The following TERF1 variants were observed in gnomAD, a reference collection of about 807,000 sequenced individuals.
TERF1 encodes the protein telomeric repeat binding factor 1, also known as telomeric repeat-binding factor 1.
In TERF1, 20 loss-of-function variants were observed where a neutral mutation model predicts 55.1. The observed-to-expected ratio is 0.36, with a 90% CI of 0.26 to 0.53. The LOEUF (loss-of-function observed/expected upper bound fraction) is 0.53, where lower values mean the gene tolerates loss of function less well. TERF1 is among the 20% of genes least tolerant of loss of function. The probability of loss-of-function intolerance (pLI) is 0.91; values close to 1 mark genes in which losing one functional copy is unlikely to be tolerated. For missense variants in TERF1, 439 were observed against 535.7 expected, an observed-to-expected ratio of 0.82 and a Z score of 1.78; for synonymous variants, 168 against 181.2, an observed-to-expected ratio of 0.93 and a Z score of 0.59.
At chr8:73,029,585 A>T (rs1344616971) in intron 6 of TERF1, among the ~76,000 whole-genome samples, 2 of 128,752 alleles carry the variant, frequency 1.6e-5, no homozygotes, top group Non-Finnish European at 3.5e-5. Flanking sequence ...CACTCCGGTG[A>T]CCCTCGGCGA....
chr8:73,032,164 G>A (rs776928356), intron 8 of TERF1, 31 bp downstream of exon 8: 4 of 1,470,546 alleles, frequency 2.7e-6, no homozygotes, highest in Non-Finnish European at 3.7e-6. Context: ...TTTAGAAGGG[G>A]AGAATTGATG....
chr8:73,026,515 A>G (rs1285914989), intron 5 of TERF1, among the ~76,000 whole-genome samples: 1 of 152,216 alleles, frequency 6.6e-6, no homozygotes, highest in Non-Finnish European at 1.5e-5. Flanking sequence ...AAACAACAAT[A>G]AAATTTTTCT....
At chr8:73,032,491 G>A (rs1809329403) in intron 8 of TERF1, among the ~76,000 whole-genome samples, 1 of 152,068 alleles carries the variant, frequency 6.6e-6, no homozygotes, top group Non-Finnish European at 1.5e-5. Flanking sequence ...TTGATAATGT[G>A]GCACTTGATA....
intron 6 of TERF1, among the ~76,000 whole-genome samples, chr8:73,027,746 T>TG (rs1038282490): frequency 6.6e-6 from 1 of 152,218 alleles, no homozygotes; most frequent in African/African-American, 2.4e-5. Context: ...CTGTGGTCTC[T>TG]GGATGGGTAT....
intron 2 of TERF1, among the ~76,000 whole-genome samples, chr8:73,015,526 AC>A (rs1808466534): frequency 6.6e-6 from 1 of 151,950 alleles, no homozygotes; most frequent in South Asian, 2.1e-4. Context: ...ACATAGCGAG[AC>A]CCTGTCTCTA....
At chr8:73,015,046 A>G (rs1169318531) in intron 2 of TERF1, among the ~76,000 whole-genome samples, 2 of 152,252 alleles carry the variant, frequency 1.3e-5, no homozygotes, top group African/African-American at 4.8e-5. Context: ...AGTGCCTGGC[A>G]GTGCTTTACA....
At chr8:73,015,865 AAAT>A (rs1305164033) in intron 2 of TERF1, among the ~76,000 whole-genome samples, 1 of 152,132 alleles carries the variant, frequency 6.6e-6, no homozygotes, top group Admixed American at 6.5e-5. Context: ...TGTAGCTAAA[AAAT>A]AATAATGATA....
chr8:73,032,388 C>T (rs907443466), intron 8 of TERF1, among the ~76,000 whole-genome samples: 4 of 152,130 alleles, frequency 2.6e-5, no homozygotes, highest in Non-Finnish European at 5.9e-5. Context: ...CAAGTATAGT[C>T]ATATGCCACA....
intron 7 of TERF1, chr8:73,031,779 CT>C (rs1357063956): frequency 1.6e-4 from 43 of 265,864 alleles, no homozygotes; most frequent in East Asian, 5.9e-4. Flanking sequence ...CTTGTCTTTT[CT>C]TTTTTTTGCC....
chr8:73,013,566 T>C (rs1408051311), intron 1 of TERF1: 1 of 203,506 alleles, frequency 4.9e-6, no homozygotes, highest in Non-Finnish European at 9.9e-6. Flanking sequence ...ATATTTTCTA[T>C]TATATGAAAT....
chr8:73,020,773 C>T lies in TERF1; in HGVS notation c.505C>T (p.His169Tyr). ...AATTGAAAAGGAACATGACAAACTT[C>T]ATGAAGAAATACAGAATTTAATTAA... ...GSIEKEHDKL[H>Y]EEIQNLIKIQ... Residue 169 changes from histidine (H) to tyrosine (Y), a missense_variant, in exon 3 of 10, where the codon CAT (histidine) becomes TAT (tyrosine). Physicochemically the swap from His to Tyr is moderately conservative, Grantham distance 83. Coordinates refer to ENST00000276603, the MANE Select transcript of TERF1 (RefSeq NM_017489.3). 2.7e-6 allele frequency: 4 copies of T among 1,475,766 alleles called. No individual in the cohort carries two copies. The Admixed American group carries it at 6.9e-5, about 26-fold the overall frequency. The allele number at this position is 1,475,766 out of a possible 1,614,324, so 91.4% of individuals were successfully genotyped here. A position where few individuals can be genotyped will look rare whatever the true frequency, so the allele number is the denominator to read the frequency against.
intron 6 of TERF1, among the ~76,000 whole-genome samples, chr8:73,028,478 A>G (rs1241725530): frequency 6.6e-6 from 1 of 151,940 alleles, no homozygotes; most frequent in Non-Finnish European, 1.5e-5. Context: ...AAATCTCTTT[A>G]GATCACTCCC....
At chr8:73,015,312 C>CTTTTTTTTT (rs5892387) in intron 2 of TERF1, among the ~76,000 whole-genome samples, 1 of 131,708 alleles carries the variant, frequency 7.6e-6, no homozygotes, top group African/African-American at 2.8e-5. Flanking sequence ...AACCCTTTTG[C>CTTTTTTTTT]TTTTTTTTTT....
At chr8:73,020,254 A>G (rs1308280354) in intron 2 of TERF1, among the ~76,000 whole-genome samples, 1 of 152,184 alleles carries the variant, frequency 6.6e-6, no homozygotes, top group Admixed American at 6.5e-5. Context: ...GGAAAGCTTA[A>G]TAATAGTACA....
rs780918070 is a variant in TERF1 at position 73,032,118 on chromosome 8, G to T, written c.1024G>T (p.Val342Leu). The change falls in exon 8 of 10, where the codon GTA becomes TTA. Residue 342 changes from valine to leucine, a missense_variant. Physicochemically the swap from Val to Leu is conservative, Grantham distance 32. This residue lies in a region of TERF1 where 140 missense variants were observed against 158.6 expected (regional missense o/e 0.88). Coordinates refer to ENST00000276603, the MANE Select transcript of TERF1 (RefSeq NM_017489.3). Reference protein sequence around the residue: ...QQDLNKKERRVGTPQSTKKKK... With the variant: ...QQDLNKKERRLGTPQSTKKKK... ...AGACCTTAATAAGAAAGAAAGAAGA[G>T]TAGGAACTCCTCAAAGTGAGTACTG... The T allele has an allele frequency of 8.7e-6, 14 of 1,610,594 alleles. No homozygotes were observed. Among genetic ancestry groups the T allele is most frequent in the Non-Finnish European group, 8.5e-7 (1 of 1,178,614 alleles).
chr8:73,039,200 A>T lies in TERF1; in HGVS notation c.1124A>T (p.His375Leu), dbSNP rs748462018. 2.5e-6 allele frequency: 4 copies of T among 1,604,502 alleles called. No homozygotes were observed. The highest frequency in any genetic ancestry group is 1.7e-4 in the Middle Eastern group (1 of 6,030). The change falls in exon 9 of 10, where the codon CAT (histidine) becomes CTT (leucine). Residue 375 changes from histidine (H) to leucine (L), a missense_variant. His to Leu is a moderately conservative substitution (Grantham distance 99, BLOSUM62 -3). Coordinates refer to ENST00000276603, the MANE Select transcript of TERF1 (RefSeq NM_017489.3). ...AGTCAGCCGGTAACTCCTGAAAAAC[A>T]TCGAGCTAGAAAAAGACAGGTATTT... The part of the protein sequence containing the change: ...SKSQPVTPEK[H>L]RARKRQAWLW...
chr8:73,035,637 A>G (rs1397503876), intron 8 of TERF1, among the ~76,000 whole-genome samples: 1 of 152,192 alleles, frequency 6.6e-6, no homozygotes, highest in Admixed American at 6.5e-5. Flanking sequence ...TAAATCTCCC[A>G]AATATAATTA....
intron 9 of TERF1, among the ~76,000 whole-genome samples, chr8:73,040,761 A>G (rs192948850): frequency 7.2e-5 from 11 of 151,850 alleles, no homozygotes; most frequent in Admixed American, 7.2e-4. Context: ...AGATTGTCCC[A>G]CTGTTCTTAG....
At chr8:73,039,023 A>T in intron 8 of TERF1, 93 bp from the exon 9 acceptor site, 1 of 971,834 alleles carries the variant, frequency 1.0e-6, no homozygotes, top group Non-Finnish European at 1.5e-6. Flanking sequence ...AGAATAGCTT[A>T]GAAAAGGAAT....
Sources: allele counts gnomAD v4.1 joint callset (sites outside exome capture counted in the v4.1 genomes callset), GRCh38; gene constraint gnomAD v4.1.1; regional missense constraint gnomAD v4.1.1; transcripts MANE v1.5; gene names NCBI Gene and HGNC (gene_info 2026-07-23, HGNC 2026-07-21).